WDPCP: variants seen among roughly 807,000 people sequenced by gnomAD.
WDPCP encodes WD repeat containing planar cell polarity effector.
WDPCP carries 71 observed loss-of-function variants against 93.1 expected under a neutral mutation model. The ratio of observed to expected loss-of-function variants is 0.76; its 90% CI spans 0.63 to 0.93. The LOEUF (loss-of-function observed/expected upper bound fraction) is 0.93. Among genes scored for constraint, WDPCP ranks in the 40% least tolerant of loss-of-function variants. The pLI, the probability that WDPCP is intolerant of heterozygous loss-of-function variation, is 0.00. For synonymous variants in WDPCP, 315 were observed against 315.0 expected, an observed-to-expected ratio of 1.00 and a Z score of 0.00; for missense variants, 844 against 887.4, an observed-to-expected ratio of 0.95 and a Z score of 0.62.
chr2:63,606,893 C>T, intron 3 of WDPCP: 1 of 1,611,690 alleles, frequency 6.2e-7, no homozygotes, highest in South Asian at 1.1e-5. Flanking sequence ...GAAGGTCTCC[C>T]TATTAATGAT....
intron 1 of WDPCP, among the ~76,000 whole-genome samples, chr2:63,545,308 C>T (rs1350911562): frequency 1.4e-5 from 2 of 147,914 alleles, no homozygotes; most frequent in African/African-American, 2.5e-5. Flanking sequence ...TGTGTGTGCA[C>T]GTGTATGTGT....
chr2:63,761,975 T>A (rs950678668), intron 2 of WDPCP, among the ~76,000 whole-genome samples: 1 of 151,794 alleles, frequency 6.6e-6, no homozygotes, highest in Admixed American at 6.6e-5. Flanking sequence ...TACTTACATT[T>A]AAAAAAAACA....
intron 1 of WDPCP, among the ~76,000 whole-genome samples, chr2:63,517,695 T>C (rs1019208622): frequency 3.9e-5 from 6 of 152,166 alleles, no homozygotes; most frequent in African/African-American, 1.2e-4. Context: ...TCTAGTTGTA[T>C]TGCATTTACA....
chr2:63,715,300 A>G (rs1669322280), intron 2 of WDPCP, among the ~76,000 whole-genome samples: 2 of 152,242 alleles, frequency 1.3e-5, no homozygotes. Context: ...TTGCCCCAAT[A>G]AAATAATTTG....
At chr2:63,165,505 TAATTTATAG>T (rs199753953) in intron 15 of WDPCP, among the ~76,000 whole-genome samples, 3,541 of 152,154 alleles carry the variant, frequency 0.023, 59 homozygotes, top group Admixed American at 0.058. Context: ...TGCTTTGGAA[TAATTTATAG>T]AGCATTCAGA....
chr2:63,835,587 G>A, the WDPCP span, among the ~76,000 whole-genome samples: 3 of 150,632 alleles, frequency 2.0e-5, no homozygotes, highest in African/African-American at 7.3e-5. Flanking sequence ...GATAGCTTCA[G>A]TTCAGATCCT....
intron 12 of WDPCP, among the ~76,000 whole-genome samples, chr2:63,335,814 T>C (rs1296793998): frequency 6.6e-6 from 1 of 151,978 alleles, no homozygotes; most frequent in East Asian, 1.9e-4. Flanking sequence ...AGTCACAGGA[T>C]GAGATAGGAG....
chr2:63,823,198 C>T (rs1369871726), intron 1 of WDPCP, among the ~76,000 whole-genome samples: 1 of 136,262 alleles, frequency 7.3e-6, no homozygotes, highest in East Asian at 2.0e-4. Context: ...AAAGTTTCAC[C>T]CAAAAAAAAA....
chr2:63,234,005 G>GT (rs1361911691), intron 14 of WDPCP, among the ~76,000 whole-genome samples: 3 of 152,114 alleles, frequency 2.0e-5, no homozygotes, highest in African/African-American at 4.8e-5. Context: ...AGACCTATAT[G>GT]TAACAGTCTC....
At chr2:63,413,563 C>G (rs1009121829) in intron 9 of WDPCP, among the ~76,000 whole-genome samples, 1 of 152,046 alleles carries the variant, frequency 6.6e-6, no homozygotes, top group Non-Finnish European at 1.5e-5. Context: ...TTTGGGAGGC[C>G]GAGACGAGCG....
intron 13 of WDPCP, among the ~76,000 whole-genome samples, chr2:63,287,481 T>C (rs932680943): frequency 6.6e-6 from 1 of 152,184 alleles, no homozygotes; most frequent in African/African-American, 2.4e-5. Context: ...TTCCCATTCC[T>C]AGTATTCCTT....
intron 14 of WDPCP, among the ~76,000 whole-genome samples, chr2:63,215,360 G>A (rs1196860139): frequency 1.3e-5 from 2 of 152,102 alleles, no homozygotes; most frequent in Non-Finnish European, 2.9e-5. Context: ...CCAAAACAGA[G>A]ATATAGAACA....
chr2:63,588,364 A>ACGCCGCCGCCGC lies in WDPCP; in HGVS notation c.-105_-94dup. 1.4e-6 allele frequency: 2 copies of ACGCCGCCGCCGC among 1,437,034 alleles called. No homozygotes were observed. The highest frequency in any genetic ancestry group is 2.5e-5 in the South Asian group (2 of 81,484). The allele number at this position is 1,437,034 out of a possible 1,614,324, so 89.0% of individuals were successfully genotyped here. On this transcript the variant is annotated 5_prime_UTR_variant, in exon 1 of 18. Coordinates refer to ENST00000272321, the MANE Select transcript of WDPCP (RefSeq NM_015910.7). Reference sequence around the variant, plus strand: ...TCGCTTGGTCTCTTGGGTCTCCAGGACGCCGCCGCCGCCGCCACAGTTTCC... The same window carrying ACGCCGCCGCCGC: ...TCGCTTGGTCTCTTGGGTCTCCAGGACGCCGCCGCCGCCGCCGCCGCCGCCGCCACAGTTTCC...
chr2:63,153,988 A>C (rs1372555931), intron 15 of WDPCP, among the ~76,000 whole-genome samples: 5 of 151,652 alleles, frequency 3.3e-5, no homozygotes, highest in African/African-American at 7.3e-5. Flanking sequence ...GATGTAGAAA[A>C]CCCCCCACCA....
intron 3 of WDPCP, among the ~76,000 whole-genome samples, chr2:63,628,794 T>C (rs1348776973): frequency 6.6e-6 from 1 of 152,210 alleles, no homozygotes; most frequent in Non-Finnish European, 1.5e-5. Flanking sequence ...CTATGGCAAC[T>C]GGCTTAGCAA....
At chr2:63,681,218 G>A (rs928385866) in intron 2 of WDPCP, among the ~76,000 whole-genome samples, 8 of 152,152 alleles carry the variant, frequency 5.3e-5, no homozygotes, top group African/African-American at 1.7e-4. Flanking sequence ...CCACAGGGAC[G>A]TACAGCACCA....
At chr2:63,589,506 C>T, upstream of WDPCP, 1 of 911,932 alleles carries the variant, frequency 1.1e-6, no homozygotes, top group South Asian at 1.4e-5. Context: ...TAGTATTTAC[C>T]AGGTGCTCCA....
intron 2 of WDPCP, among the ~76,000 whole-genome samples, chr2:63,716,339 A>T (rs1027976376): frequency 6.6e-6 from 1 of 152,200 alleles, no homozygotes; most frequent in Non-Finnish European, 1.5e-5. Flanking sequence ...GAGGACAAGG[A>T]TCAAAGTCAC....
In WDPCP at chr2:63,492,855, C is replaced by T; in HGVS notation, c.160+1G>A. ...TTGAAATTAATCCAGAGCTCATTTA[C>T]CCGCAATGTGTAAGGTATTCTTCAA... is the stretch of plus-strand genomic sequence containing the variant. On this transcript the variant is annotated splice_donor_variant, in intron 2 of 17. Transcript: ENST00000272321. LOFTEE classifies it high-confidence loss of function. 2 of 1,613,076 alleles carry T rather than the reference C, an allele frequency of 1.2e-6. No homozygotes were observed. The highest frequency in any genetic ancestry group is 1.7e-6 in the Non-Finnish European group (2 of 1,179,484).
Sources: gnomAD v4.1 joint callset for allele counts (sites outside exome capture counted in the v4.1 genomes callset) on GRCh38, gnomAD v4.1.1 for gene constraint, MANE v1.5 for transcripts, NCBI Gene and HGNC (gene_info 2026-07-23, HGNC 2026-07-21) for gene names.